The following NXPE4 variants were observed in gnomAD, a reference collection of about 807,000 sequenced individuals.
NXPE4 encodes the protein neurexophilin and PC-esterase domain family member 4.
Under a neutral mutation model 33.3 loss-of-function variants are expected in NXPE4, and 42 were observed. The ratio of observed to expected loss-of-function variants is 1.26; its 90% confidence interval spans 0.98 to 1.63. NXPE4 has a LOEUF of 1.63. Ranked by LOEUF, NXPE4 falls within the 40% of genes most tolerant of loss-of-function variation. The pLI, the probability that NXPE4 is intolerant of heterozygous loss-of-function variation, is 0.00. For missense variants in NXPE4, 709 were observed against 647.6 expected (o/e 1.09, Z -1.03); for synonymous variants, 253 against 234.9 (o/e 1.08, Z -0.71).
chr11:114,625,738 G>T, the NXPE4 span, among the ~76,000 whole-genome samples: 1 of 152,146 alleles, frequency 6.6e-6, no homozygotes. Context: ...GAAGGCAGGT[G>T]ATTTCTGCAT....
chr11:114,601,229 T>A, the NXPE4 span, among the ~76,000 whole-genome samples: 3 of 151,082 alleles, frequency 2.0e-5, no homozygotes, highest in Non-Finnish European at 4.4e-5. Context: ...TAATTTTTCA[T>A]CCCATTTCCC....
At chr11:114,635,519 G>T in the NXPE4 span, among the ~76,000 whole-genome samples, 2 of 152,034 alleles carry the variant, frequency 1.3e-5, no homozygotes, top group South Asian at 2.1e-4. Flanking sequence ...GGAGTGGTGA[G>T]AGAGGGCATC....
the NXPE4 span, among the ~76,000 whole-genome samples, chr11:114,611,465 T>A: frequency 1.1e-4 from 16 of 151,902 alleles, no homozygotes; most frequent in Admixed American, 1.1e-3. Context: ...AAGTATTGCC[T>A]CGTGGGTAAC....
Position 114,571,381 on chromosome 11 carries a change from A to G in NXPE4, c.1192T>C (p.Tyr398His), listed in dbSNP as rs550897. ...DRNINIQWQK[Y>H]CYPLIGSMTY... ...ATTGATCCTATCAAGGGATAACAAT[A>G]TTTTTGCCACTGGATGTTGATGTTC... Residue 398 changes from tyrosine to histidine, a missense_variant, in exon 6 of 6, where the codon TAT becomes CAT. Tyr to His is a moderately conservative substitution (Grantham distance 83, BLOSUM62 2). Transcript: ENST00000375478. 0.5 allele frequency: 809,617 copies of G among 1,613,528 alleles called. 209,998 individuals are homozygous for G. The highest frequency in any genetic ancestry group is 0.85 in the African/African-American group (63,527 of 74,968).
chr11:114,663,637 C>CATCTATTTATCATCT, the NXPE4 span, among the ~76,000 whole-genome samples: 1 of 138,754 alleles, frequency 7.2e-6, no homozygotes, highest in South Asian at 2.5e-4. Flanking sequence ...ATCTATCTAT[C>CATCTATTTATCATCT]ATCTATCCAT....
At chr11:114,664,234 T>C in the NXPE4 span, among the ~76,000 whole-genome samples, 1 of 152,130 alleles carries the variant, frequency 6.6e-6, no homozygotes, top group East Asian at 1.9e-4. Context: ...AAATGCAGTA[T>C]GCCAAGAAAA....
the NXPE4 span, among the ~76,000 whole-genome samples, chr11:114,623,428 G>A: frequency 6.6e-6 from 1 of 152,048 alleles, no homozygotes; most frequent in Non-Finnish European, 1.5e-5. Flanking sequence ...TGGATAATAA[G>A]TATTCCCTCA....
chr11:114,614,046 G>A, the NXPE4 span, among the ~76,000 whole-genome samples: 6 of 150,716 alleles, frequency 4.0e-5, no homozygotes, highest in East Asian at 2.0e-4. Flanking sequence ...ACTGTTACCC[G>A]GTGAATAATA....
At chr11:114,670,666 T>A in the NXPE4 span, among the ~76,000 whole-genome samples, 1 of 152,012 alleles carries the variant, frequency 6.6e-6, no homozygotes, top group Non-Finnish European at 1.5e-5. Context: ...CACTCTAGCC[T>A]GGGCAACAGA....
At chr11:114,617,926 C>G in the NXPE4 span, among the ~76,000 whole-genome samples, 2 of 152,012 alleles carry the variant, frequency 1.3e-5, no homozygotes, top group Non-Finnish European at 2.9e-5. Flanking sequence ...CCACTGTAAT[C>G]TGCTGCATAA....
chr11:114,667,675 G>A, the NXPE4 span, among the ~76,000 whole-genome samples: 28 of 152,094 alleles, frequency 1.8e-4, no homozygotes, highest in Admixed American at 1.6e-3. Context: ...CATGGAAAGT[G>A]GCGAAGAACT....
At chr11:114,671,027 A>G in the NXPE4 span, among the ~76,000 whole-genome samples, 1 of 148,656 alleles carries the variant, frequency 6.7e-6, no homozygotes, top group Non-Finnish European at 1.5e-5. Flanking sequence ...GAGATTGTCA[A>G]TAAGGACAAA....
At chr11:114,628,715 A>C in the NXPE4 span, among the ~76,000 whole-genome samples, 4,435 of 151,324 alleles carry the variant, frequency 0.029, 108 homozygotes, top group African/African-American at 0.03. Context: ...CCCCTTCAAA[A>C]AATTAACGAA....
chr11:114,631,597 G>A, the NXPE4 span, among the ~76,000 whole-genome samples: 1,523 of 151,722 alleles, frequency 0.01, 26 homozygotes, highest in African/African-American at 0.034. Flanking sequence ...TGGGTGCAGC[G>A]CACCAGCATG....
chr11:114,581,256 A>G (rs1199668655), intron 4 of NXPE4, among the ~76,000 whole-genome samples: 1 of 152,162 alleles, frequency 6.6e-6, no homozygotes, highest in Non-Finnish European at 1.5e-5. Context: ...TGCAAGTTCT[A>G]TTTTTTATGC....
chr11:114,588,736 T>C (rs928484270), intron 2 of NXPE4, among the ~76,000 whole-genome samples: 3 of 152,074 alleles, frequency 2.0e-5, no homozygotes, highest in African/African-American at 7.2e-5. Context: ...CTCTAAACTG[T>C]CCATGGTAGA....
At chr11:114,579,770 C>G (rs1048413603) in intron 5 of NXPE4, among the ~76,000 whole-genome samples, 1 of 152,138 alleles carries the variant, frequency 6.6e-6, no homozygotes, top group Non-Finnish European at 1.5e-5. Context: ...GTTTTGAACC[C>G]AGGTTGTCTG....
the NXPE4 span, among the ~76,000 whole-genome samples, chr11:114,601,247 G>T: frequency 6.7e-6 from 1 of 149,578 alleles, no homozygotes; most frequent in African/African-American, 2.5e-5. Flanking sequence ...CCCTTCCCAT[G>T]CTCCCTCTTT....
chr11:114,648,976 C>G, the NXPE4 span, among the ~76,000 whole-genome samples: 2 of 152,016 alleles, frequency 1.3e-5, no homozygotes, highest in Non-Finnish European at 2.9e-5. Flanking sequence ...TTTATACACA[C>G]AATACAAATA....
Sources: allele counts gnomAD v4.1 joint callset (sites outside exome capture counted in the v4.1 genomes callset), GRCh38; gene constraint gnomAD v4.1.1; transcripts MANE v1.5; gene names NCBI Gene and HGNC (gene_info 2026-07-23, HGNC 2026-07-21).